Variants in MGST2 observed in about 807,000 individuals in gnomAD.
MGST2 encodes the protein glutathione peroxidase MGST2.
A neutral mutation model predicts 16.6 loss-of-function variants in MGST2; 9 were observed. The observed-to-expected ratio is 0.54, with a 90% confidence interval of 0.33 to 0.95. The LOEUF (loss-of-function observed/expected upper bound fraction) is 0.95, where lower values mean the gene tolerates loss of function less well. Among genes scored for constraint, MGST2 ranks in the 40% least tolerant of loss-of-function variants. MGST2 has a pLI of 0.03. For synonymous variants in MGST2, 79 were observed against 68.0 expected (o/e 1.16, Z -0.79); for missense variants, 159 against 175.1 (o/e 0.91, Z 0.52).
intron 5 of MGST2, among the ~76,000 whole-genome samples, chr4:139,727,283 A>C (rs1256874606): frequency 1.3e-5 from 2 of 152,250 alleles, no homozygotes; most frequent in East Asian, 3.8e-4. Flanking sequence ...TTGATTGTGT[A>C]GACCATTAAA....
At chr4:139,716,862 G>T (rs759693815) in intron 5 of MGST2, 5 of 152,512 alleles carry the variant, frequency 3.3e-5, no homozygotes, top group Non-Finnish European at 7.4e-5. Context: ...AAGGAAATAA[G>T]CAATGCTCAA....
downstream of MGST2, among the ~76,000 whole-genome samples, chr4:139,709,117 CTG>C (rs922686862): frequency 3.5e-5 from 4 of 115,530 alleles, no homozygotes; most frequent in African/African-American, 1.4e-4. Flanking sequence ...GAGTCTCACT[CTG>C]TCGCCCAGGC....
intron 2 of MGST2, among the ~76,000 whole-genome samples, chr4:139,694,443 G>A (rs1221258709): frequency 6.6e-6 from 1 of 152,018 alleles, no homozygotes; most frequent in Non-Finnish European, 1.5e-5. Context: ...TCAGCAAAGA[G>A]CTCGGCCAAC....
intron 5 of MGST2, chr4:139,718,904 T>A (rs1319793360): frequency 1.2e-5 from 2 of 172,314 alleles, no homozygotes; most frequent in African/African-American, 4.8e-5. Flanking sequence ...AGGCTCTGTC[T>A]CTTTTGTGTC....
At chr4:139,675,610 G>C (rs1267270376) in intron 1 of MGST2, among the ~76,000 whole-genome samples, 1 of 152,182 alleles carries the variant, frequency 6.6e-6, no homozygotes, top group Non-Finnish European at 1.5e-5. Context: ...TGGCCCACAG[G>C]GAGTAAGAAT....
chr4:139,668,914 A>G (rs1435766360), intron 1 of MGST2, among the ~76,000 whole-genome samples: 1 of 152,008 alleles, frequency 6.6e-6, no homozygotes, highest in Non-Finnish European at 1.5e-5. Flanking sequence ...AGGGTATGAT[A>G]AAGATGTTCC....
chr4:139,709,010 A>AAAAAAG (rs1389101116), downstream of MGST2, among the ~76,000 whole-genome samples: 5 of 137,766 alleles, frequency 3.6e-5, no homozygotes, highest in Non-Finnish European at 6.1e-5. Context: ...AAAAAAAAAA[A>AAAAAAG]AAAAAGAAAA....
In MGST2 at chr4:139,734,680, TGTG is replaced by T. The variant is rs141498115; in HGVS notation, c.*49-5529_*49-5527del. On this transcript the variant is annotated intron_variant, in intron 5 of 5. Coordinates refer to the MGST2 transcript ENST00000616265. ...GCAGTTTTCGACTTCAAAAAACAGT[TGTG>T]GTAAAAATATCTCCCAAGAACAGCC... 5.8e-4 allele frequency among the ~76,000 whole-genome samples: 89 copies of T among 152,388 alleles called. 2 individuals are homozygous for T. In the East Asian group the frequency reaches 0.015, roughly 26 times the overall value.
intron 1 of MGST2, among the ~76,000 whole-genome samples, chr4:139,672,946 C>G (rs1401054354): frequency 6.6e-6 from 1 of 152,088 alleles, no homozygotes; most frequent in Non-Finnish European, 1.5e-5. Flanking sequence ...AGGGAAGAGC[C>G]TGCTTTGAGA....
intron 1 of MGST2, among the ~76,000 whole-genome samples, chr4:139,674,292 C>T (rs1730853395): frequency 6.6e-6 from 1 of 152,084 alleles, no homozygotes; most frequent in South Asian, 2.1e-4. Flanking sequence ...AAGTCTATAT[C>T]CAGGTCATAG....
At chr4:139,679,884 A>G (rs1167526174) in intron 2 of MGST2, among the ~76,000 whole-genome samples, 1 of 152,180 alleles carries the variant, frequency 6.6e-6, no homozygotes, top group Admixed American at 6.5e-5. Flanking sequence ...CATGTCCCAC[A>G]CCTCAAAATT....
intron 2 of MGST2, among the ~76,000 whole-genome samples, chr4:139,693,403 T>TC (rs1473626463): frequency 1.2e-5 from 1 of 80,184 alleles, no homozygotes; most frequent in Non-Finnish European, 2.4e-5. Flanking sequence ...AGACTACGTC[T>TC]CAAAAAAAAA....
chr4:139,730,523 T>C (rs1039658874), intron 5 of MGST2: 1 of 1,564,392 alleles, frequency 6.4e-7, no homozygotes, highest in Admixed American at 1.9e-5. Context: ...TCAATGAGCA[T>C]CTGCTTCATG....
chr4:139,702,867 T>TTTTTTTTTTTTTTTTTTTTTTTTC (rs767366469), intron 3 of MGST2, among the ~76,000 whole-genome samples: 2 of 132,386 alleles, frequency 1.5e-5, no homozygotes, highest in African/African-American at 2.7e-5. Context: ...TTTTTTTTTT[T>TTTTTTTTTTTTTTTTTTTTTTTTC]TTTACAATTT....
At chr4:139,745,410 G>A (rs1729289848), downstream of MGST2, among the ~76,000 whole-genome samples, 1 of 152,196 alleles carries the variant, frequency 6.6e-6, no homozygotes, top group Non-Finnish European at 1.5e-5. Context: ...GGAGAAAAGT[G>A]GGCAGGAAGG....
At chr4:139,741,265 TAGG>T (rs1352155963), downstream of MGST2, among the ~76,000 whole-genome samples, 1 of 152,166 alleles carries the variant, frequency 6.6e-6, no homozygotes, top group Non-Finnish European at 1.5e-5. Context: ...GAAGCAAGTC[TAGG>T]AGAAGGGCTC....
downstream of MGST2, among the ~76,000 whole-genome samples, chr4:139,708,304 A>T (rs1345941231): frequency 1.3e-5 from 2 of 152,194 alleles, no homozygotes; most frequent in African/African-American, 4.8e-5. Flanking sequence ...TCCCAGCACC[A>T]TTTATTAAAT....
At chr4:139,741,886 T>TAAA (rs1729177721), downstream of MGST2, among the ~76,000 whole-genome samples, 1 of 151,788 alleles carries the variant, frequency 6.6e-6, no homozygotes, top group Non-Finnish European at 1.5e-5. Context: ...ATTGCATTTT[T>TAAA]AAAACGCCCT....
intron 2 of MGST2, among the ~76,000 whole-genome samples, chr4:139,689,106 CAA>C (rs746270352): frequency 0.054 from 3,343 of 62,204 alleles, 53 homozygotes; most frequent in East Asian, 0.26. Context: ...GACGCCATCT[CAA>C]AAAAAAAAAA....
Sources: gnomAD v4.1 joint callset for allele counts (sites outside exome capture counted in the v4.1 genomes callset) on GRCh38, gnomAD v4.1.1 for gene constraint, MANE v1.5 for transcripts, NCBI Gene and HGNC (gene_info 2026-07-23, HGNC 2026-07-21) for gene names.